Variants in RDX observed in about 807,000 individuals in gnomAD.
RDX encodes the protein deafness, autosomal recessive 24.
RDX carries 32 observed loss-of-function variants against 83.7 expected under a neutral mutation model. The ratio of observed to expected loss-of-function variants is 0.38; its 90% CI spans 0.29 to 0.51. RDX has a LOEUF of 0.51. Among genes scored for constraint, RDX ranks in the 20% least tolerant of loss-of-function variants. RDX has a pLI of 0.87. For missense variants in RDX, 600 were observed against 689.9 expected (o/e 0.87, Z 1.46); for synonymous variants, 229 against 222.7 (o/e 1.03, Z -0.25).
intron 10 of RDX, among the ~76,000 whole-genome samples, chr11:110,238,943 CA>C (rs1214412066): frequency 1.5e-5 from 2 of 132,980 alleles, no homozygotes; most frequent in Non-Finnish European, 3.3e-5. Context: ...AAAAAAAAAA[CA>C]AAAAAAACAC....
chr11:110,237,388 G>T, intron 11 of RDX, 104 bp downstream of exon 11: 1 of 1,048,470 alleles, frequency 9.5e-7, no homozygotes, highest in Non-Finnish European at 1.4e-6. Flanking sequence ...TCTTTGGCTT[G>T]CTCTCCAGAA....
At chr11:110,247,349 T>C (rs1213252171) in intron 10 of RDX, among the ~76,000 whole-genome samples, 1 of 152,210 alleles carries the variant, frequency 6.6e-6, no homozygotes, top group Non-Finnish European at 1.5e-5. Flanking sequence ...CCATAAAGCA[T>C]TGCATACTTT....
chr11:110,238,615 A>G (rs1267083761), intron 10 of RDX, among the ~76,000 whole-genome samples: 1 of 152,162 alleles, frequency 6.6e-6, no homozygotes, highest in Non-Finnish European at 1.5e-5. Flanking sequence ...TAGTTGAGTA[A>G]TTGCAGTTAA....
At chr11:110,270,123 CGT>C (rs371748018) in intron 3 of RDX, among the ~76,000 whole-genome samples, 1 of 151,232 alleles carries the variant, frequency 6.6e-6, no homozygotes, top group Non-Finnish European at 1.5e-5. Flanking sequence ...TGCATGTGTG[CGT>C]GTGTGTGTGT....
At chr11:110,193,768 G>A (rs1030076473) in intron 15 of RDX, among the ~76,000 whole-genome samples, 1 of 152,106 alleles carries the variant, frequency 6.6e-6, no homozygotes, top group Non-Finnish European at 1.5e-5. Context: ...CTAATTAGTG[G>A]CAGAGCCGCA....
intron 2 of RDX, among the ~76,000 whole-genome samples, chr11:110,278,002 T>C (rs1860587040): frequency 6.6e-6 from 1 of 152,204 alleles, no homozygotes; most frequent in Non-Finnish European, 1.5e-5. Flanking sequence ...TGTTCATGTT[T>C]TTCTGTATGG....
chr11:110,239,334 T>C (rs1864989890), intron 10 of RDX, among the ~76,000 whole-genome samples: 2 of 151,768 alleles, frequency 1.3e-5, no homozygotes, highest in African/African-American at 2.4e-5. Flanking sequence ...AGAGAGATAA[T>C]GGGTGTTACA....
chr11:110,263,562 G>GAA (rs34908137), intron 5 of RDX: 10 of 151,944 alleles, frequency 6.6e-5, no homozygotes, highest in South Asian at 2.0e-4. Flanking sequence ...TTAAAATCTG[G>GAA]AAAAAAAAAA....
chr11:110,288,957 GCTGGGCGTGGTGGCTCACAC>G (rs1268435900), intron 1 of RDX, among the ~76,000 whole-genome samples: 2 of 152,144 alleles, frequency 1.3e-5, no homozygotes, highest in African/African-American at 4.8e-5. Flanking sequence ...GCTCCTTACA[GCTGGGCGTGGTGGCTCACAC>G]CTGCAATCCC....
intron 15 of RDX, among the ~76,000 whole-genome samples, chr11:110,194,796 C>G (rs1371064525): frequency 1.3e-5 from 2 of 152,156 alleles, no homozygotes; most frequent in African/African-American, 2.4e-5. Context: ...TCTAAAATAA[C>G]TAGACTTAAT....
At chr11:110,260,840 T>C (rs1859773916) in intron 5 of RDX, among the ~76,000 whole-genome samples, 1 of 152,218 alleles carries the variant, frequency 6.6e-6, no homozygotes, top group African/African-American at 2.4e-5. Flanking sequence ...TACTACTATG[T>C]AGTATAATAA....
At chr11:110,226,852 A>C (rs1051924274), downstream of RDX, among the ~76,000 whole-genome samples, 1 of 152,198 alleles carries the variant, frequency 6.6e-6, no homozygotes, top group African/African-American at 2.4e-5. Context: ...ATGAAAATTA[A>C]GTAATTTATC....
chr11:110,264,222 C>A lies in RDX; in HGVS notation c.205G>T (p.Asp69Tyr), dbSNP rs750130636. 1.2e-6 allele frequency: 2 copies of A among 1,604,820 alleles called. No homozygotes were observed. The highest frequency in any genetic ancestry group is 3.4e-5 in the Admixed American group (2 of 58,726). ...LKLNKKVTQQDVKKENPLQFK... is the reference protein window; with the variant it reads ...LKLNKKVTQQYVKKENPLQFK... ...TGTAAAGGATTCTCTTTTTTAACAT[C>A]CTGCTGTGTTACCTGGAAAAATAAT... is the stretch of plus-strand genomic sequence containing the variant. Residue 69 changes from aspartate to tyrosine, a missense_variant, in exon 5 of 14, where the codon GAT (aspartate) becomes TAT (tyrosine). By Grantham distance (160) the Asp-to-Tyr change is radical. Coordinates refer to ENST00000645495, the MANE Select transcript of RDX (RefSeq NM_002906.4).
intron 1 of RDX, among the ~76,000 whole-genome samples, chr11:110,284,585 A>G (rs1860903499): frequency 6.6e-6 from 1 of 151,098 alleles, no homozygotes; most frequent in Non-Finnish European, 1.5e-5. Flanking sequence ...CAGTGGCGCG[A>G]TATCGGCTCA....
intron 14 of RDX, among the ~76,000 whole-genome samples, chr11:110,221,747 A>G (rs963450151): frequency 2.0e-5 from 3 of 152,206 alleles, no homozygotes; most frequent in African/African-American, 7.2e-5. Context: ...ATGAATAAAC[A>G]CTGAATCAAA....
At chr11:110,219,258 T>C (rs1188584714) in intron 14 of RDX, among the ~76,000 whole-genome samples, 1 of 151,960 alleles carries the variant, frequency 6.6e-6, no homozygotes, top group Non-Finnish European at 1.5e-5. Context: ...CTTTAAAGAA[T>C]AACAAGGAAG....
chr11:110,246,942 A>C (rs1565313016), intron 10 of RDX, among the ~76,000 whole-genome samples: 1 of 152,212 alleles, frequency 6.6e-6, no homozygotes, highest in Non-Finnish European at 1.5e-5. Context: ...TATTAAATAG[A>C]GCTTTTATAA....
intron 14 of RDX, among the ~76,000 whole-genome samples, chr11:110,206,520 A>C (rs1863611812): frequency 6.6e-6 from 1 of 152,192 alleles, no homozygotes; most frequent in African/African-American, 2.4e-5. Flanking sequence ...AGATAGTAAA[A>C]GCTAAGAAAC....
At chr11:110,211,566 T>G (rs1414921956) in intron 14 of RDX, among the ~76,000 whole-genome samples, 6 of 151,332 alleles carry the variant, frequency 4.0e-5, no homozygotes, top group Non-Finnish European at 7.4e-5. Context: ...TATTCCAAAA[T>G]TGACCACATA....
Sources: gnomAD v4.1 joint callset for allele counts (sites outside exome capture counted in the v4.1 genomes callset) on GRCh38, gnomAD v4.1.1 for gene constraint, MANE v1.5 for transcripts, NCBI Gene and HGNC (gene_info 2026-07-23, HGNC 2026-07-21) for gene names.